The following PCDHGA10 variants were observed in gnomAD, a reference collection of about 807,000 sequenced individuals.
The protein encoded by PCDHGA10 is protocadherin gamma subfamily A, 10, also known as protocadherin gamma-A10.
PCDHGA10 carries 42 observed loss-of-function variants against 59.5 expected under a neutral mutation model. The observed-to-expected ratio is 0.71, with a 90% CI of 0.55 to 0.91. PCDHGA10 has a LOEUF of 0.91. Among genes scored for constraint, PCDHGA10 ranks in the 40% least tolerant of loss-of-function variants. The pLI is 0.00. For missense variants in PCDHGA10, 1,111 were observed against 1,198.2 expected (o/e 0.93, Z 1.07); for synonymous variants, 511 against 517.2 (o/e 0.99, Z 0.16).
rs1388608588 is a variant in PCDHGA10 at position 141,481,102 on chromosome 5, A to T, written c.2437-13705A>T. The stretch of plus-strand genomic sequence containing the variant: ...GAAAAAAGAAAAGCAGTACTCTGGA[A>T]CCTACCAATCCATCATTTAGCATAT... On this transcript the variant is annotated intron_variant, in intron 1 of 3. Transcript: ENST00000398610. 3.3e-5 allele frequency among the ~76,000 whole-genome samples: 5 copies of T among 152,288 alleles called. No individual in the cohort carries two copies. The East Asian group carries it at 7.7e-4, about 24-fold the overall frequency.
chr5:141,473,944 C>T (rs1279694347), intron 1 of PCDHGA10, among the ~76,000 whole-genome samples: 1 of 152,156 alleles, frequency 6.6e-6, no homozygotes, highest in Non-Finnish European at 1.5e-5. Context: ...TAGCTCAGGC[C>T]TGTAGTCCCA....
intron 1 of PCDHGA10, among the ~76,000 whole-genome samples, chr5:141,456,780 T>A (rs1392367637): frequency 1.3e-5 from 2 of 152,000 alleles, no homozygotes; most frequent in Non-Finnish European, 2.9e-5. Flanking sequence ...CTGGCCTACA[T>A]GGCAAAACCC....
chr5:141,415,901 C>A, intron 1 of PCDHGA10: 1 of 847,932 alleles, frequency 1.2e-6, no homozygotes, highest in Non-Finnish European at 1.6e-6. Context: ...CTAAGACAGA[C>A]TTCCATACAG....
In PCDHGA10 at chr5:141,510,834, G is replaced by A. The variant is rs1043468083; in HGVS notation, c.2585-113G>A. 49 of 1,581,762 alleles carry A rather than the reference G, an allele frequency of 3.1e-5. 1 individual carries two copies. The highest frequency in any genetic ancestry group is 4.0e-5 in the Non-Finnish European group (46 of 1,161,670). On this transcript the variant is annotated intron_variant, in intron 3 of 3. Coordinates refer to ENST00000398610, the MANE Select transcript of PCDHGA10 (RefSeq NM_018913.3). ...GACCCCTATATTCCCAGTGCTCAGC[G>A]TGGTCAAGGCCCAGGGTGCTGTATA...
Position 141,476,376 on chromosome 5 carries a change from T to C in PCDHGA10, c.2437-18431T>C. ...GTGAACCGGGAGACCGGAGAGATGT[T>C]TGTGAACGACCGTCTGGATCGAGAG... On this transcript the variant is annotated intron_variant, in intron 1 of 3. Coordinates refer to ENST00000398610, the MANE Select transcript of PCDHGA10 (RefSeq NM_018913.3). The surrounding 1 kb of genome is among the most constrained non-coding windows in gnomAD (Gnocchi z 7.6). The C allele has an allele frequency of 6.2e-7, 1 of 1,614,060 alleles. No homozygotes were observed. Among genetic ancestry groups the C allele is most frequent in the Non-Finnish European group, 8.5e-7 (1 of 1,180,004 alleles).
At chr5:141,492,026 G>T in intron 1 of PCDHGA10, 1 of 567,198 alleles carries the variant, frequency 1.8e-6, no homozygotes, top group Non-Finnish European at 3.0e-6. Flanking sequence ...GGGGTCCCGG[G>T]AGGAGGCAGT....
chr5:141,466,020 G>A (rs973577698), intron 1 of PCDHGA10, among the ~76,000 whole-genome samples: 2 of 151,974 alleles, frequency 1.3e-5, no homozygotes, highest in South Asian at 4.1e-4. Context: ...TACTCGGGAG[G>A]GTGAGGCAGG....
Position 141,415,384 on chromosome 5 carries a change from A to G in PCDHGA10, c.2209A>G (p.Thr737Ala), listed in dbSNP as rs767664633. ...RLLQASGGGL[T>A]GVSGSHFVGV... ...GCTGCAGGCTTCAGGAGGCGGCTTG[A>G]CAGGTGTGTCCGGCTCGCACTTTGT... The change falls in exon 1 of 4, where the codon ACA becomes GCA. Residue 737 changes from threonine (T) to alanine (A), a missense_variant. Physicochemically the swap from Thr to Ala is moderately conservative, Grantham distance 58 (BLOSUM62 0). Coordinates refer to ENST00000398610, the MANE Select transcript of PCDHGA10 (RefSeq NM_018913.3). 9.3e-6 allele frequency: 15 copies of G among 1,614,156 alleles called. No homozygotes were observed. The East Asian group carries it at 2.2e-4, about 24-fold the overall frequency.
intron 1 of PCDHGA10, chr5:141,420,388 A>G (rs986892784): frequency 3.1e-6 from 4 of 1,282,144 alleles, no homozygotes; most frequent in Non-Finnish European, 4.1e-6. Context: ...TTCGCAAAAT[A>G]TAGGTCAAAT....
rs2097368013 is a variant in PCDHGA10 at position 141,431,382 on chromosome 5, A to G, written c.2436+15771A>G. 6 of 1,613,756 alleles carry G rather than the reference A, an allele frequency of 3.7e-6. No homozygotes were observed. In the East Asian group the frequency reaches 1.1e-4, roughly 30 times the overall value. On this transcript the variant is annotated intron_variant, in intron 1 of 3. Transcript: ENST00000398610. This position sits in a 1 kb window ranked among gnomAD's most constrained non-coding sequence, Gnocchi z 4.8. ...CTGGACCGCGAAGAAAAGGCTGCTC[A>G]CCACCTGGTCCTTACGGCCTCCGAC... is the stretch of plus-strand genomic sequence containing the variant.
At chr5:141,473,369 G>A (rs888984972) in intron 1 of PCDHGA10, among the ~76,000 whole-genome samples, 1 of 152,200 alleles carries the variant, frequency 6.6e-6, no homozygotes, top group African/African-American at 2.4e-5. Context: ...CACCAAAATA[G>A]CATGGTCCCT....
At chr5:141,425,546 A>G (rs2096882460) in intron 1 of PCDHGA10, among the ~76,000 whole-genome samples, 1 of 152,202 alleles carries the variant, frequency 6.6e-6, no homozygotes, top group African/African-American at 2.4e-5. Flanking sequence ...CTTTTCAGAA[A>G]CCTCTTTTAT....
At chr5:141,425,209 A>ATCAT (rs1368049572) in intron 1 of PCDHGA10, among the ~76,000 whole-genome samples, 2 of 152,180 alleles carry the variant, frequency 1.3e-5, no homozygotes, top group Admixed American at 1.3e-4. Flanking sequence ...GATGTAAGGC[A>ATCAT]TTGTACTTTG....
rs767547572 is a variant in PCDHGA10 at position 141,505,495 on chromosome 5, G to C, written c.2584+14G>C. On this transcript the variant is annotated intron_variant, in intron 3 of 3. Coordinates refer to ENST00000398610, the MANE Select transcript of PCDHGA10 (RefSeq NM_018913.3). The stretch of plus-strand genomic sequence containing the variant: ...CGTCCGCCAGTGGTAAGTGGTGTCA[G>C]TGTGTGTATGGAAGAGTGGGAGACC... 5 of 1,614,210 alleles carry C rather than the reference G, an allele frequency of 3.1e-6. No individual in the cohort carries two copies. Among genetic ancestry groups the C allele is most frequent in the Non-Finnish European group, 4.2e-6 (5 of 1,180,000 alleles).
rs747437039 is a variant in PCDHGA10 at position 141,413,919 on chromosome 5, G to T, written c.744G>T (p.Leu248Phe). The T allele has an allele frequency of 1.2e-5, 19 of 1,613,284 alleles. 1 individual carries two copies. The highest frequency in any genetic ancestry group is 1.6e-5 in the Non-Finnish European group (19 of 1,179,890). Reference protein sequence around the residue: ...DANDNAPVFTLPEYRVSVPEN... With the variant: ...DANDNAPVFTFPEYRVSVPEN... ...ATGACAACGCGCCGGTCTTCACCTT[G>T]CCAGAATACCGAGTGAGTGTTCCTG... Residue 248 changes from leucine to phenylalanine, a missense_variant, in exon 1 of 4, where the codon TTG becomes TTT. Leu to Phe is a conservative substitution (Grantham distance 22). Transcript: ENST00000398610.
intron 1 of PCDHGA10, among the ~76,000 whole-genome samples, chr5:141,472,980 C>CAAA (rs60579131): frequency 5.8e-5 from 5 of 86,104 alleles, no homozygotes; most frequent in Non-Finnish European, 1.0e-4. Context: ...GAGTGAAACT[C>CAAA]AAAAAAAAAA....
chr5:141,485,067 C>G lies in PCDHGA10; in HGVS notation c.2437-9740C>G, dbSNP rs944494894. On this transcript the variant is annotated intron_variant, in intron 1 of 3. Transcript: ENST00000398610. This position sits in a 1 kb window ranked among gnomAD's most constrained non-coding sequence, Gnocchi z 5.7. Reference sequence around the variant, plus strand: ...CGGCGCCGGCCGAACCGCGCCAGAGCTGGCGCGGGGAAAGGGAGATAGGTG... The same window carrying G: ...CGGCGCCGGCCGAACCGCGCCAGAGGTGGCGCGGGGAAAGGGAGATAGGTG... 21 of 894,418 alleles carry G rather than the reference C, an allele frequency of 2.3e-5. No individual in the cohort carries two copies. The highest frequency in any genetic ancestry group is 1.8e-4 in the Admixed American group (8 of 43,320). 55.4% of individuals were successfully genotyped at this position (894,418 alleles called of 1,614,324 possible). A position where few individuals can be genotyped will look rare whatever the true frequency, so the allele number is the denominator to read the frequency against.
At chr5:141,505,827 TCA>T (rs1197972266) in intron 3 of PCDHGA10, among the ~76,000 whole-genome samples, 4 of 152,072 alleles carry the variant, frequency 2.6e-5, no homozygotes, top group South Asian at 4.1e-4. Context: ...TCTCTAAACC[TCA>T]GTTTCCTCAG....
intron 1 of PCDHGA10, chr5:141,421,647 G>C: frequency 6.2e-7 from 1 of 1,613,872 alleles, no homozygotes; most frequent in South Asian, 1.1e-5. Context: ...ACGAAGTGGA[G>C]ATAAAAGTCA....
Sources: gnomAD v4.1 joint callset for allele counts (sites outside exome capture counted in the v4.1 genomes callset) on GRCh38, gnomAD v4.1.1 for gene constraint, Gnocchi (gnomAD v3.1) non-coding constraint, MANE v1.5 for transcripts, NCBI Gene and HGNC (gene_info 2026-07-23, HGNC 2026-07-21) for gene names.